Variants in GPC6 observed in about 807,000 individuals in gnomAD.
The protein encoded by GPC6 is glypican 6.
Under a neutral mutation model 55.2 loss-of-function variants are expected in GPC6, and 14 were observed. The ratio of observed to expected loss-of-function variants is 0.25; its 90% CI spans 0.17 to 0.40. GPC6 has a LOEUF of 0.40. Among genes scored for constraint, GPC6 ranks in the 10% least tolerant of loss-of-function variants. The probability of loss-of-function intolerance (pLI) is 1.00; values close to 1 mark genes in which losing one functional copy is unlikely to be tolerated. For missense variants in GPC6, 641 were observed against 708.5 expected, an observed-to-expected ratio of 0.90 and a Z score of 1.08; for synonymous variants, 278 against 259.6, an observed-to-expected ratio of 1.07 and a Z score of -0.68.
At chr13:93,989,218 G>T (rs1263929894) in intron 3 of GPC6, among the ~76,000 whole-genome samples, 1 of 152,102 alleles carries the variant, frequency 6.6e-6, no homozygotes, top group East Asian at 1.9e-4. Flanking sequence ...CTTCTATGTA[G>T]TCCCTTTTCA....
chr13:94,291,957 T>A (rs906242141), intron 5 of GPC6, among the ~76,000 whole-genome samples: 3 of 152,194 alleles, frequency 2.0e-5, no homozygotes, highest in Admixed American at 1.3e-4. Context: ...AAATCATTTA[T>A]TTTATTAAAG....
intron 3 of GPC6, among the ~76,000 whole-genome samples, chr13:93,841,630 G>A (rs565750152): frequency 1.6e-4 from 25 of 152,124 alleles, no homozygotes; most frequent in Non-Finnish European, 2.6e-4. Flanking sequence ...ACATTCAGAC[G>A]TAAGTAAAAC....
At chr13:94,049,988 A>G (rs961561655) in intron 4 of GPC6, among the ~76,000 whole-genome samples, 7 of 152,074 alleles carry the variant, frequency 4.6e-5, no homozygotes, top group African/African-American at 1.7e-4. Flanking sequence ...GTTCTCTCTC[A>G]TTCTCTCTTG....
chr13:93,580,946 GT>G (rs1212947171), intron 2 of GPC6, among the ~76,000 whole-genome samples: 3 of 151,624 alleles, frequency 2.0e-5, no homozygotes, highest in East Asian at 3.9e-4. Context: ...ATATAAAAGT[GT>G]TTTTTTTAAT....
chr13:93,311,905 G>T (rs1879080879), intron 1 of GPC6, among the ~76,000 whole-genome samples: 1 of 152,086 alleles, frequency 6.6e-6, no homozygotes, highest in Admixed American at 6.5e-5. Context: ...ATGGGTCTTT[G>T]GGGTAATCAG....
chr13:93,714,455 A>G (rs1883182993), intron 2 of GPC6, among the ~76,000 whole-genome samples: 1 of 152,034 alleles, frequency 6.6e-6, no homozygotes, highest in South Asian at 2.1e-4. Context: ...ATGGCTGCAG[A>G]GAAAAAGGAA....
At chr13:93,325,487 ATGAGTGAGACAG>A (rs1416301017) in intron 1 of GPC6, among the ~76,000 whole-genome samples, 1 of 152,168 alleles carries the variant, frequency 6.6e-6, no homozygotes, top group Non-Finnish European at 1.5e-5. Flanking sequence ...GTGGAGGCAG[ATGAGTGAGACAG>A]TGAGTGAGAT....
At chr13:93,237,875 T>C (rs1461816361) in intron 1 of GPC6, among the ~76,000 whole-genome samples, 1 of 152,158 alleles carries the variant, frequency 6.6e-6, no homozygotes, top group Non-Finnish European at 1.5e-5. Context: ...TCGTTGGTTG[T>C]AGGGATTAGG....
intron 4 of GPC6, among the ~76,000 whole-genome samples, chr13:94,203,269 A>C (rs1245567892): frequency 6.6e-6 from 1 of 151,662 alleles, no homozygotes; most frequent in East Asian, 1.9e-4. Flanking sequence ...TTAAAAAAAA[A>C]TACTGACCCA....
At chr13:94,378,431 A>G (rs1439259134) in intron 6 of GPC6, among the ~76,000 whole-genome samples, 1 of 152,142 alleles carries the variant, frequency 6.6e-6, no homozygotes, top group Non-Finnish European at 1.5e-5. Flanking sequence ...TTCTGTTTTT[A>G]GCAATCATTC....
At chr13:93,952,546 T>C (rs1232713779) in intron 3 of GPC6, among the ~76,000 whole-genome samples, 1 of 152,012 alleles carries the variant, frequency 6.6e-6, no homozygotes, top group African/African-American at 2.4e-5. Flanking sequence ...CATTTATCTT[T>C]TATTTTTGAA....
At chr13:93,233,801 AG>A (rs1255377528) in intron 1 of GPC6, among the ~76,000 whole-genome samples, 2 of 152,000 alleles carry the variant, frequency 1.3e-5, no homozygotes, top group Non-Finnish European at 2.9e-5. Flanking sequence ...GAGTGGGGAG[AG>A]GGGTGTGGGA....
rs79479955 is a variant in GPC6, at chr13:93,788,842, A to T, written c.320-41312A>T. ...AAGCATAAAAAATATGCATCAGATC[A>T]ATGTTTTAGAAAAACAGCAAGACAA... On this transcript the variant is annotated intron_variant, in intron 2 of 8. Coordinates refer to ENST00000377047, the MANE Select transcript of GPC6 (RefSeq NM_005708.5). Among the ~76,000 whole-genome samples the T allele has an allele frequency of 5.2e-3, 789 of 152,256 alleles. 7 individuals carry two copies. Among genetic ancestry groups the T allele is most frequent in the African/African-American group, 0.018 (755 of 41,546 alleles).
intron 3 of GPC6, among the ~76,000 whole-genome samples, chr13:93,831,609 G>A (rs1002042892): frequency 6.6e-6 from 1 of 150,888 alleles, no homozygotes; most frequent in African/African-American, 2.4e-5. Flanking sequence ...CTAGCATAAA[G>A]ATGGTGTGTA....
Position 93,747,200 on chromosome 13 carries a change from A to G in GPC6, c.320-82954A>G, listed in dbSNP as rs568712144. Among the ~76,000 whole-genome samples the G allele has an allele frequency of 2.0e-5, 3 of 152,328 alleles. No homozygotes were observed. In the East Asian group the frequency reaches 5.8e-4, roughly 29 times the overall value. Reference sequence around the variant, plus strand: ...AGAAGAAGATATACCTGAGGCATTAATAAAGTTTACAGAAAAGAAATTGGT... The same window carrying G: ...AGAAGAAGATATACCTGAGGCATTAGTAAAGTTTACAGAAAAGAAATTGGT... On this transcript the variant is annotated intron_variant, in intron 2 of 8. Transcript: ENST00000377047.
intron 2 of GPC6, among the ~76,000 whole-genome samples, chr13:93,673,466 T>C (rs984877024): frequency 6.6e-5 from 10 of 152,264 alleles, no homozygotes; most frequent in South Asian, 4.1e-4. Flanking sequence ...TGAGTTGAGA[T>C]AGTGCCACTG....
chr13:93,595,366 G>C (rs1429903041), intron 2 of GPC6, among the ~76,000 whole-genome samples: 1 of 152,172 alleles, frequency 6.6e-6, no homozygotes, highest in East Asian at 1.9e-4. Flanking sequence ...TAAGATGCAA[G>C]TTTTATCGCT....
At chr13:94,163,846 T>C (rs965788791) in intron 4 of GPC6, among the ~76,000 whole-genome samples, 1 of 152,150 alleles carries the variant, frequency 6.6e-6, no homozygotes, top group South Asian at 2.1e-4. Flanking sequence ...CATTACATAA[T>C]CTTAATTTTC....
chr13:94,018,433 G>A (rs1049868547), intron 3 of GPC6, among the ~76,000 whole-genome samples: 6 of 151,994 alleles, frequency 3.9e-5, no homozygotes, highest in Non-Finnish European at 7.4e-5. Flanking sequence ...GTACCTACAG[G>A]CACATGCCAC....
Sources: gnomAD v4.1 joint callset for allele counts (sites outside exome capture counted in the v4.1 genomes callset) on GRCh38, gnomAD v4.1.1 for gene constraint, MANE v1.5 for transcripts, NCBI Gene and HGNC (gene_info 2026-07-23, HGNC 2026-07-21) for gene names.